Variants in SYT16 observed in about 807,000 individuals in gnomAD.
SYT16 encodes synaptotagmin-16.
SYT16 carries 42 observed loss-of-function variants against 61.4 expected under a neutral mutation model. The ratio of observed to expected loss-of-function variants is 0.68; its 90% CI spans 0.53 to 0.89. The LOEUF (loss-of-function observed/expected upper bound fraction) is 0.89. Among genes scored for constraint, SYT16 ranks in the 40% least tolerant of loss-of-function variants. The pLI, the probability that SYT16 is intolerant of heterozygous loss-of-function variation, is 0.00. For missense variants in SYT16, 804 were observed against 807.3 expected (o/e 1.00, Z 0.05); for synonymous variants, 314 against 302.3 (o/e 1.04, Z -0.40).
rs565314010 is a variant in SYT16 at position 61,857,909 on chromosome 14, A to AG, written c.-325+45104dup. On this transcript the variant is annotated intron_variant, in intron 1 of 7. Transcript: ENST00000683842. ...CTGTCTGTCTGTCTGTCATTTTGAC[A>AG]GGGGGAAAAAACATTCAAAATTTAT... Among the ~76,000 whole-genome samples the AG allele has an allele frequency of 1.8e-3, 268 of 152,118 alleles. 2 individuals carry two copies. Among genetic ancestry groups the AG allele is most frequent in the African/African-American group, 6.2e-3 (255 of 41,460 alleles).
chr14:61,897,574 G>C lies in SYT16; in HGVS notation c.-324-72558G>C, dbSNP rs567609497. 3.4e-4 allele frequency among the ~76,000 whole-genome samples: 52 copies of C among 152,110 alleles called. No homozygotes were observed. The South Asian group carries it at 7.7e-3, about 23-fold the overall frequency. The stretch of plus-strand genomic sequence containing the variant: ...GACTTTTTTCAGAATAAGGAGAATG[G>C]CTTTTATGAAGCCATCTGTAGATGA... On this transcript the variant is annotated intron_variant, in intron 1 of 7. Coordinates refer to ENST00000683842, the MANE Select transcript of SYT16 (RefSeq NM_001367656.1).
intron 3 of SYT16, among the ~76,000 whole-genome samples, chr14:62,069,007 G>T (rs915359309): frequency 1.3e-5 from 2 of 152,108 alleles, no homozygotes; most frequent in African/African-American, 4.8e-5. Context: ...TATTGGCCAG[G>T]CTGGTCTGGA....
chr14:61,869,132 C>A (rs1452959498), intron 1 of SYT16, among the ~76,000 whole-genome samples: 1 of 151,886 alleles, frequency 6.6e-6, no homozygotes, highest in African/African-American at 2.4e-5. Flanking sequence ...TATCTTTTTT[C>A]TATCTTTTTT....
At chr14:62,098,751 T>A (rs994336994) in intron 7 of SYT16, among the ~76,000 whole-genome samples, 4 of 152,174 alleles carry the variant, frequency 2.6e-5, no homozygotes, top group Admixed American at 2.6e-4. Flanking sequence ...AAACTGCATC[T>A]TTGCAGACAA....
chr14:62,041,920 G>A (rs1197243038), intron 3 of SYT16, among the ~76,000 whole-genome samples: 1 of 152,092 alleles, frequency 6.6e-6, no homozygotes, highest in South Asian at 2.1e-4. Flanking sequence ...GCCCAAATCT[G>A]CCATCAATCC....
chr14:62,082,462 C>A (rs552520519), intron 6 of SYT16, among the ~76,000 whole-genome samples: 2 of 152,292 alleles, frequency 1.3e-5, no homozygotes, highest in African/African-American at 4.8e-5. Context: ...TGTTTTCCAC[C>A]TGAAATCCTA....
intron 1 of SYT16, among the ~76,000 whole-genome samples, chr14:61,826,339 CCA>C (rs1491138170): frequency 6.6e-6 from 1 of 152,064 alleles, no homozygotes; most frequent in Non-Finnish European, 1.5e-5. Flanking sequence ...AACATGAACT[CCA>C]CACAGACAGT....
intron 3 of SYT16, among the ~76,000 whole-genome samples, chr14:62,026,429 C>G (rs897177538): frequency 3.3e-5 from 5 of 152,294 alleles, no homozygotes; most frequent in African/African-American, 1.2e-4. Context: ...TTGCTGCATC[C>G]TCACATGGCA....
chr14:62,092,173 AACACACACACACACACACACACACAC>A (rs56324432), intron 7 of SYT16, among the ~76,000 whole-genome samples: 22,994 of 131,378 alleles, frequency 0.18, 2,131 homozygotes, highest in East Asian at 0.35. Context: ...TGGCTACTAT[AACACACACACACACACACACACACAC>A]ACACACACAC....
chr14:62,061,566 A>T (rs2055826005), intron 3 of SYT16, among the ~76,000 whole-genome samples: 1 of 152,166 alleles, frequency 6.6e-6, no homozygotes, highest in Non-Finnish European at 1.5e-5. Context: ...TGAGTTATGC[A>T]AACTGTGAGC....
chr14:62,035,978 A>G (rs1378290339), intron 3 of SYT16, among the ~76,000 whole-genome samples: 1 of 152,178 alleles, frequency 6.6e-6, no homozygotes, highest in African/African-American at 2.4e-5. Context: ...CAAGCTATGT[A>G]GGCTCTGAGG....
intron 1 of SYT16, among the ~76,000 whole-genome samples, chr14:61,929,317 T>TA (rs1326014487): frequency 6.6e-6 from 1 of 152,108 alleles, no homozygotes; most frequent in Admixed American, 6.5e-5. Context: ...TTTTATGAAA[T>TA]ACAATTCTAG....
chr14:62,093,138 TAA>T (rs2057149115), intron 7 of SYT16, among the ~76,000 whole-genome samples: 1 of 152,026 alleles, frequency 6.6e-6, no homozygotes, highest in Non-Finnish European at 1.5e-5. Flanking sequence ...TCTAAAAAAT[TAA>T]GTCTATTTAA....
At chr14:62,055,248 C>T (rs555675622) in intron 3 of SYT16, among the ~76,000 whole-genome samples, 44 of 152,288 alleles carry the variant, frequency 2.9e-4, no homozygotes, top group Non-Finnish European at 4.7e-4. Flanking sequence ...CAACACAACT[C>T]TTGGGTCCTA....
intron 1 of SYT16, among the ~76,000 whole-genome samples, chr14:61,882,603 G>A (rs558301238): frequency 6.6e-6 from 1 of 152,202 alleles, no homozygotes; most frequent in South Asian, 2.1e-4. Flanking sequence ...TTCCTCCCCA[G>A]CCCCTCCCAT....
intron 1 of SYT16, among the ~76,000 whole-genome samples, chr14:61,823,880 G>A (rs575393607): frequency 6.6e-6 from 1 of 152,358 alleles, no homozygotes; most frequent in South Asian, 2.1e-4. Context: ...TTGTCTTAGA[G>A]TTTAAAATAT....
At chr14:61,900,513 T>C (rs529764737) in intron 1 of SYT16, among the ~76,000 whole-genome samples, 19 of 152,318 alleles carry the variant, frequency 1.2e-4, no homozygotes, top group African/African-American at 4.3e-4. Context: ...AAGGCCAATT[T>C]ATTGGAGTTG....
intron 1 of SYT16, among the ~76,000 whole-genome samples, chr14:61,949,672 T>C (rs1036924207): frequency 1.3e-5 from 2 of 152,162 alleles, no homozygotes; most frequent in African/African-American, 4.8e-5. Context: ...ATTTGGACTG[T>C]GATGGTGTTA....
chr14:62,025,686 T>C (rs543889358), intron 3 of SYT16, among the ~76,000 whole-genome samples: 1 of 152,270 alleles, frequency 6.6e-6, no homozygotes, highest in African/African-American at 2.4e-5. Flanking sequence ...ATTTTTATGT[T>C]ATCCAGCCCC....
Sources: gnomAD v4.1 joint callset for allele counts (sites outside exome capture counted in the v4.1 genomes callset) on GRCh38, gnomAD v4.1.1 for gene constraint, MANE v1.5 for transcripts, NCBI Gene and HGNC (gene_info 2026-07-23, HGNC 2026-07-21) for gene names.